EYS: variants seen among roughly 807,000 people sequenced by gnomAD.
The protein encoded by EYS is protein eyes shut homolog.
EYS carries 250 observed loss-of-function variants against 282.1 expected under a neutral mutation model. The ratio of observed to expected loss-of-function variants is 0.89; its 90% CI spans 0.80 to 0.98. EYS has a LOEUF of 0.98. EYS is among the 50% of genes least tolerant of loss of function. The pLI is 0.00. For missense variants in EYS, 4,016 were observed against 3,709.0 expected, an observed-to-expected ratio of 1.08 and a Z score of -2.15; for synonymous variants, 1,355 against 1,282.9, an observed-to-expected ratio of 1.06 and a Z score of -1.20.
At chr6:64,771,835 T>C (rs188518657) in intron 22 of EYS, among the ~76,000 whole-genome samples, 296 of 151,912 alleles carry the variant, frequency 1.9e-3, no homozygotes, top group Non-Finnish European at 3.1e-3. Context: ...GTCTGCTGTA[T>C]GCAATGTTCT....
chr6:65,586,188 T>C (rs1387042510), intron 2 of EYS, among the ~76,000 whole-genome samples: 1 of 152,006 alleles, frequency 6.6e-6, no homozygotes, highest in East Asian at 1.9e-4. Context: ...AAATAGTTTC[T>C]CTTGTAACTA....
intron 8 of EYS, among the ~76,000 whole-genome samples, chr6:65,380,253 G>A (rs529799369): frequency 6.6e-5 from 10 of 152,194 alleles, no homozygotes; most frequent in African/African-American, 2.4e-4. Context: ...AAACAGCATG[G>A]TACTGGCATC....
chr6:64,502,464 G>A lies in EYS; in HGVS notation c.5645-63112C>T, dbSNP rs571845075. On this transcript the variant is annotated intron_variant, in intron 26 of 42. Transcript: ENST00000503581. Reference sequence around the variant, plus strand: ...TCTCGATCTCCTGACCTCGTGATCCGCCCGCCTCGGCCTCCCAAAAGTGCT... The same window carrying A: ...TCTCGATCTCCTGACCTCGTGATCCACCCGCCTCGGCCTCCCAAAAGTGCT... Among the ~76,000 whole-genome samples, 5 of 152,186 alleles carry A rather than the reference G, an allele frequency of 3.3e-5. No homozygotes were observed. In the East Asian group the frequency reaches 7.7e-4, roughly 24 times the overall value.
chr6:64,610,495 C>T (rs1412548078), intron 24 of EYS, among the ~76,000 whole-genome samples: 4 of 151,402 alleles, frequency 2.6e-5, no homozygotes, highest in African/African-American at 9.7e-5. Flanking sequence ...GCTCCAAATC[C>T]CCGGTTCAAG....
chr6:64,902,587 T>C, intron 16 of EYS, 87 bp from the exon 17 acceptor site: 1 of 702,826 alleles, frequency 1.4e-6, no homozygotes, highest in Non-Finnish European at 2.2e-6. Flanking sequence ...AAGAATACAC[T>C]CATAATGGAG....
intron 16 of EYS, among the ~76,000 whole-genome samples, chr6:64,908,275 G>A (rs532585011): frequency 8.5e-5 from 13 of 152,092 alleles, no homozygotes; most frequent in African/African-American, 2.2e-4. Context: ...AGCTCCACAC[G>A]GGCCCCCAGC....
In EYS at chr6:65,565,020, C is replaced by A. The variant is rs1276696039; in HGVS notation, c.-332-69027G>T. Among the ~76,000 whole-genome samples the A allele has an allele frequency of 5.4e-5, 3 of 55,822 alleles. 1 individual carries two copies. Among genetic ancestry groups the A allele is most frequent in the South Asian group, 6.9e-4 (1 of 1,452 alleles). 36.6% of individuals were successfully genotyped at this position (55,822 alleles called of 152,430 possible). A position where few individuals can be genotyped will look rare whatever the true frequency, so the allele number is the denominator to read the frequency against. The stretch of plus-strand genomic sequence containing the variant: ...CAGCACTTTGGGAGGCCGAGGCGGG[C>A]GGATCACGAGGTCAGGAGATCGAGA... On this transcript the variant is annotated intron_variant, in intron 2 of 42. Transcript: ENST00000503581.
At chr6:64,553,186 T>G (rs186669613) in intron 26 of EYS, among the ~76,000 whole-genome samples, 17 of 152,220 alleles carry the variant, frequency 1.1e-4, no homozygotes, top group Admixed American at 8.5e-4. Context: ...AGAATAAATC[T>G]CCAAATATTT....
chr6:63,891,388 A>AAAAG, intron 35 of EYS, among the ~76,000 whole-genome samples: 1 of 152,328 alleles, frequency 6.6e-6, no homozygotes, highest in Non-Finnish European at 1.5e-5. Context: ...CTTATCCACG[A>AAAAG]CCATCAAGTC....
At chr6:63,929,599 G>A (rs530928141) in intron 35 of EYS, among the ~76,000 whole-genome samples, 1 of 152,276 alleles carries the variant, frequency 6.6e-6, no homozygotes, top group South Asian at 2.1e-4. Flanking sequence ...ATGATGCTCT[G>A]TCAGCTGCTT....
intron 5 of EYS, among the ~76,000 whole-genome samples, chr6:65,429,538 C>T (rs544594211): frequency 2.6e-5 from 4 of 152,166 alleles, no homozygotes; most frequent in South Asian, 2.1e-4. Context: ...CTTCATTGTC[C>T]GTATACAGTA....
intron 19 of EYS, among the ~76,000 whole-genome samples, chr6:64,835,412 G>A (rs984000680): frequency 3.3e-5 from 5 of 151,760 alleles, no homozygotes; most frequent in African/African-American, 1.2e-4. Context: ...ATATGTGTGT[G>A]TAGCAGACAA....
Position 65,001,627 on chromosome 6 carries a change from G to A in EYS, c.2138-3924C>T, listed in dbSNP as rs575529901. Among the ~76,000 whole-genome samples, 25 of 146,822 alleles carry A rather than the reference G, an allele frequency of 1.7e-4. 4 individuals are homozygous for A. The highest frequency in any genetic ancestry group is 3.6e-4 in the Non-Finnish European group (24 of 66,012). ...ATGGCTACGGGTATCCAGGCTTGAG[G>A]ATGCGGCCTTTGCCAGGGCATCTTG... On this transcript the variant is annotated intron_variant, in intron 13 of 42. Coordinates refer to ENST00000503581, the MANE Select transcript of EYS (RefSeq NM_001142800.2).
intron 22 of EYS, among the ~76,000 whole-genome samples, chr6:64,665,666 T>C (rs1769205683): frequency 6.6e-5 from 10 of 152,244 alleles, no homozygotes. Context: ...GCACACTTAA[T>C]ACTATGCTTC....
intron 24 of EYS, among the ~76,000 whole-genome samples, chr6:64,610,482 C>A (rs998971803): frequency 2.7e-5 from 4 of 149,636 alleles, no homozygotes; most frequent in African/African-American, 9.9e-5. Context: ...CGGCTCACTG[C>A]CAGCTCCAAA....
intron 12 of EYS, among the ~76,000 whole-genome samples, chr6:65,253,980 C>A (rs932124702): frequency 2.6e-4 from 40 of 151,844 alleles, no homozygotes; most frequent in African/African-American, 9.2e-4. Context: ...TAAAATAAAT[C>A]TTAAGGTAGG....
chr6:64,729,731 A>G (rs1298618832), intron 22 of EYS, among the ~76,000 whole-genome samples: 2 of 152,202 alleles, frequency 1.3e-5, no homozygotes, highest in East Asian at 3.8e-4. Flanking sequence ...CACCAACCTA[A>G]TACATGCCAA....
At chr6:64,806,062 T>TA (rs1201539891) in intron 22 of EYS, among the ~76,000 whole-genome samples, 1 of 151,668 alleles carries the variant, frequency 6.6e-6, no homozygotes, top group Non-Finnish European at 1.5e-5. Context: ...AAGAATACAT[T>TA]AAAAAATCAA....
intron 36 of EYS, among the ~76,000 whole-genome samples, chr6:63,836,095 G>A (rs911738824): frequency 2.0e-5 from 3 of 152,014 alleles, no homozygotes; most frequent in Non-Finnish European, 2.9e-5. Context: ...ATACTTTGGA[G>A]TGGAATTGCT....
Sources: allele counts gnomAD v4.1 joint callset (sites outside exome capture counted in the v4.1 genomes callset), GRCh38; gene constraint gnomAD v4.1.1; transcripts MANE v1.5; gene names NCBI Gene and HGNC (gene_info 2026-07-23, HGNC 2026-07-21).